Variants in MARCHF1 observed in about 807,000 individuals in gnomAD.
MARCHF1 encodes membrane associated ring-CH-type finger 1, also known as E3 ubiquitin-protein ligase MARCHF1.
MARCHF1 carries 40 observed loss-of-function variants against 54.2 expected under a neutral mutation model. The ratio of observed to expected loss-of-function variants is 0.74; its 90% CI spans 0.57 to 0.96. The LOEUF is 0.96. Among genes scored for constraint, MARCHF1 ranks in the 40% least tolerant of loss-of-function variants. The pLI is 0.00. For missense variants in MARCHF1, 586 were observed against 656.5 expected, an observed-to-expected ratio of 0.89 and a Z score of 1.17; for synonymous variants, 236 against 236.3, an observed-to-expected ratio of 1.00 and a Z score of 0.01.
In MARCHF1 at chr4:163,528,500, T is replaced by TG. The variant is rs1412738150; in HGVS notation, c.*247dup. 10 of 458,492 alleles carry TG rather than the reference T, an allele frequency of 2.2e-5. No individual in the cohort carries two copies. The highest frequency in any genetic ancestry group is 4.0e-5 in the African/African-American group (2 of 50,538). The allele number at this position is 458,492 out of a possible 1,614,324, so 28.4% of individuals were successfully genotyped here. Reference sequence around the variant, plus strand: ...TTGCCCCAGTAGTTCTTAATTGTCTTGGAAATCATTCTCTTGCAAACTTCA... The same window carrying TG: ...TTGCCCCAGTAGTTCTTAATTGTCTTGGGAAATCATTCTCTTGCAAACTTCA... On this transcript the variant is annotated 3_prime_UTR_variant, in exon 10 of 10. Coordinates refer to ENST00000514618, the MANE Select transcript of MARCHF1 (RefSeq NM_001394959.1).
At chr4:163,581,704 A>G (rs1740239709) in intron 8 of MARCHF1, among the ~76,000 whole-genome samples, 1 of 152,244 alleles carries the variant, frequency 6.6e-6, no homozygotes, top group South Asian at 2.1e-4. Flanking sequence ...CAACTACAGC[A>G]CTGTAAATAA....
chr4:163,704,942 A>C (rs1161100608), intron 4 of MARCHF1, among the ~76,000 whole-genome samples: 1 of 151,688 alleles, frequency 6.6e-6, no homozygotes, highest in Non-Finnish European at 1.5e-5. Context: ...AAAAAAAATG[A>C]TATCAGAAAT....
chr4:163,972,713 AT>A (rs34422259), intron 3 of MARCHF1, among the ~76,000 whole-genome samples: 60,502 of 139,388 alleles, frequency 0.43, 12,844 homozygotes, highest in East Asian at 0.62. Context: ...TGGCCGGCTA[AT>A]TTTTTTTTTT....
Position 163,525,165 on chromosome 4 carries a change from A to G in MARCHF1, c.*3583T>C, listed in dbSNP as rs535226117. 186 of 152,310 alleles carry G rather than the reference A, an allele frequency of 1.2e-3. No individual in the cohort carries two copies. Among genetic ancestry groups the G allele is most frequent in the African/African-American group, 4.3e-3 (177 of 41,582 alleles). The allele number at this position is 152,310 out of a possible 1,614,324, so 9.4% of individuals were successfully genotyped here. Reference sequence around the variant, plus strand: ...TTTTCAAGGCAAGGAAGGGTAAACTATATGGGGCAGATAGAAAAATCTTCC... The same window carrying G: ...TTTTCAAGGCAAGGAAGGGTAAACTGTATGGGGCAGATAGAAAAATCTTCC... On this transcript the variant is annotated 3_prime_UTR_variant, in exon 10 of 10. Coordinates refer to ENST00000514618, the MANE Select transcript of MARCHF1 (RefSeq NM_001394959.1).
chr4:163,723,562 T>G (rs1024604798), intron 4 of MARCHF1, among the ~76,000 whole-genome samples: 2 of 152,200 alleles, frequency 1.3e-5, no homozygotes, highest in Non-Finnish European at 2.9e-5. Context: ...TGAATTTGAA[T>G]GTTGGCCTGC....
chr4:163,570,006 G>T (rs983872605), intron 8 of MARCHF1, among the ~76,000 whole-genome samples: 2 of 152,064 alleles, frequency 1.3e-5, no homozygotes, highest in Non-Finnish European at 2.9e-5. Flanking sequence ...AGAGGTTTTG[G>T]TATAACTGTT....
chr4:163,904,763 A>AGAGACAGAGACAGAGAC (rs374872263), intron 3 of MARCHF1, among the ~76,000 whole-genome samples: 13,787 of 151,510 alleles, frequency 0.091, 760 homozygotes, highest in Non-Finnish European at 0.12. Context: ...AGGAGAGAGA[A>AGAGACAGAGACAGAGAC]AGAGACAGAG....
intron 1 of MARCHF1, among the ~76,000 whole-genome samples, chr4:164,252,578 T>C (rs1051840063): frequency 6.6e-6 from 1 of 152,030 alleles, no homozygotes; most frequent in African/African-American, 2.4e-5. Flanking sequence ...ACAAAGCCAT[T>C]TGGGAAGCCA....
At chr4:163,830,557 A>G (rs1467518958) in intron 4 of MARCHF1, among the ~76,000 whole-genome samples, 3 of 152,120 alleles carry the variant, frequency 2.0e-5, no homozygotes, top group African/African-American at 7.2e-5. Context: ...TGGAAAGGTA[A>G]AAACTGCTTT....
At chr4:163,746,064 A>G (rs1746351790) in intron 4 of MARCHF1, among the ~76,000 whole-genome samples, 2 of 152,178 alleles carry the variant, frequency 1.3e-5, no homozygotes, top group Non-Finnish European at 2.9e-5. Context: ...GGTGTTGTTC[A>G]TTCTATGGGT....
At chr4:164,190,931 G>C (rs180950866) in intron 1 of MARCHF1, among the ~76,000 whole-genome samples, 1 of 152,242 alleles carries the variant, frequency 6.6e-6, no homozygotes, top group Admixed American at 6.5e-5. Context: ...GTATCAAGAA[G>C]CAATTGTTTT....
intron 1 of MARCHF1, among the ~76,000 whole-genome samples, chr4:164,289,439 C>A (rs1303844448): frequency 4.0e-5 from 6 of 151,896 alleles, no homozygotes; most frequent in Admixed American, 3.9e-4. Context: ...ACTATATGGA[C>A]TTTCATAATC....
At chr4:164,009,147 T>C in intron 2 of MARCHF1, among the ~76,000 whole-genome samples, 1 of 151,976 alleles carries the variant, frequency 6.6e-6, no homozygotes, top group Admixed American at 6.6e-5. Context: ...ACCTCAGTAA[T>C]ACAAAGAATC....
intron 8 of MARCHF1, among the ~76,000 whole-genome samples, chr4:163,577,105 T>C (rs905411253): frequency 2.0e-5 from 3 of 152,072 alleles, no homozygotes; most frequent in African/African-American, 7.2e-5. Context: ...TATCATGAGA[T>C]GGTTAGCTGG....
intron 3 of MARCHF1, among the ~76,000 whole-genome samples, chr4:163,903,857 CT>C (rs1224839795): frequency 6.6e-6 from 1 of 152,142 alleles, no homozygotes; most frequent in East Asian, 1.9e-4. Flanking sequence ...CTCAAGTGAG[CT>C]GCCTGCCTTG....
chr4:164,288,314 T>C (rs978909411), intron 1 of MARCHF1, among the ~76,000 whole-genome samples: 1 of 152,162 alleles, frequency 6.6e-6, no homozygotes, highest in Non-Finnish European at 1.5e-5. Flanking sequence ...TTGAAATTAA[T>C]ATTCTTATTA....
chr4:163,938,587 A>G (rs1395187228), intron 3 of MARCHF1, among the ~76,000 whole-genome samples: 1 of 152,152 alleles, frequency 6.6e-6, no homozygotes, highest in Non-Finnish European at 1.5e-5. Context: ...CTGGGTGAAA[A>G]GAAAGATCCA....
intron 1 of MARCHF1, among the ~76,000 whole-genome samples, chr4:164,235,914 C>T (rs1240943614): frequency 2.0e-5 from 3 of 151,996 alleles, no homozygotes; most frequent in Non-Finnish European, 4.4e-5. Flanking sequence ...AAAAACCATG[C>T]AAGTTCTTTT....
At chr4:163,930,021 AC>A (rs1335497173) in intron 3 of MARCHF1, among the ~76,000 whole-genome samples, 1 of 136,170 alleles carries the variant, frequency 7.3e-6, no homozygotes, top group Non-Finnish European at 1.5e-5. Flanking sequence ...TATTATATAT[AC>A]TATATTATAT....
Sources: allele counts gnomAD v4.1 joint callset (sites outside exome capture counted in the v4.1 genomes callset), GRCh38; gene constraint gnomAD v4.1.1; transcripts MANE v1.5; gene names NCBI Gene and HGNC (gene_info 2026-07-23, HGNC 2026-07-21).